The following PTPRN2 variants were observed in gnomAD, a reference collection of about 807,000 sequenced individuals.
PTPRN2 encodes receptor-type tyrosine-protein phosphatase N2.
PTPRN2 carries 74 observed loss-of-function variants against 118.8 expected under a neutral mutation model. The observed-to-expected ratio is 0.62, with a 90% CI of 0.52 to 0.76. PTPRN2 has a LOEUF of 0.76. Among genes scored for constraint, PTPRN2 ranks in the 30% least tolerant of loss-of-function variants. The probability of loss-of-function intolerance (pLI) is 0.00; values close to 1 mark genes in which losing one functional copy is unlikely to be tolerated. For synonymous variants in PTPRN2, 641 were observed against 608.0 expected (o/e 1.05, Z -0.80); for missense variants, 1,481 against 1,394.4 (o/e 1.06, Z -0.99).
chr7:158,415,987 C>T (rs1216045188), intron 2 of PTPRN2, among the ~76,000 whole-genome samples: 3 of 152,212 alleles, frequency 2.0e-5, no homozygotes, highest in African/African-American at 7.2e-5. Context: ...TGGCAGCCAC[C>T]ACAGTCCTGT....
chr7:157,680,368 A>T (rs1471043146), intron 13 of PTPRN2, among the ~76,000 whole-genome samples: 1 of 123,068 alleles, frequency 8.1e-6, no homozygotes, highest in Non-Finnish European at 2.0e-5. Context: ...TATGTTTGCA[A>T]TATTTTAAAA....
In PTPRN2 at chr7:158,403,024, C is replaced by T. The variant is rs140178814; in HGVS notation, c.164-86092G>A. Among the ~76,000 whole-genome samples, 1,364 of 152,322 alleles carry T rather than the reference C, an allele frequency of 9.0e-3. 7 individuals carry two copies. Among genetic ancestry groups the T allele is most frequent in the Non-Finnish European group, 0.013 (882 of 68,030 alleles). On this transcript the variant is annotated intron_variant, in intron 2 of 22. Coordinates refer to ENST00000389418, the MANE Select transcript of PTPRN2 (RefSeq NM_002847.5). ...CATCCCTTACAACCAAACACAGCTC[C>T]GTTTGCCTCCCACGGCTTCTTCATA...
intron 13 of PTPRN2, among the ~76,000 whole-genome samples, chr7:157,673,912 C>G (rs549954537): frequency 1.3e-5 from 2 of 152,164 alleles, no homozygotes; most frequent in Non-Finnish European, 2.9e-5. Flanking sequence ...CAGACTGGGC[C>G]GACTCTGATG....
chr7:158,527,527 T>G (rs1824879264), intron 1 of PTPRN2, among the ~76,000 whole-genome samples: 1 of 152,078 alleles, frequency 6.6e-6, no homozygotes, highest in Admixed American at 6.5e-5. Context: ...TTCCTCCTTC[T>G]GAGAATACCG....
At chr7:158,417,473 A>C (rs1215977353) in intron 2 of PTPRN2, among the ~76,000 whole-genome samples, 13 of 144,884 alleles carry the variant, frequency 9.0e-5, no homozygotes, top group Non-Finnish European at 1.6e-4. Flanking sequence ...GTCATGGTGT[A>C]CTACATCGAG....
chr7:157,901,766 C>T (rs150370912), intron 11 of PTPRN2, among the ~76,000 whole-genome samples: 4,815 of 26,328 alleles, frequency 0.18, 239 homozygotes, highest in East Asian at 0.27. Context: ...TTTCCTGGGT[C>T]CTGAGGCGGG....
chr7:158,337,768 A>G (rs1400902896), intron 2 of PTPRN2, among the ~76,000 whole-genome samples: 2 of 106,578 alleles, frequency 1.9e-5, no homozygotes, highest in African/African-American at 3.8e-5. Flanking sequence ...TGACACCTGC[A>G]AACGTCACTC....
At chr7:158,122,661 C>T (rs1357077150) in intron 9 of PTPRN2, among the ~76,000 whole-genome samples, 1 of 152,214 alleles carries the variant, frequency 6.6e-6, no homozygotes, top group Non-Finnish European at 1.5e-5. Context: ...CCCTGAGGAA[C>T]ACACTATTAT....
intron 3 of PTPRN2, among the ~76,000 whole-genome samples, chr7:158,268,625 GAAATATCCCAGCCGCACA>G (rs1798067783): frequency 1.4e-5 from 2 of 143,712 alleles, no homozygotes; most frequent in African/African-American, 2.6e-5. Flanking sequence ...GGGCGGGTGT[GAAATATCCCAGCCGCACA>G]CACACAGGGC....
At chr7:158,183,252 T>C (rs934693765) in intron 5 of PTPRN2, among the ~76,000 whole-genome samples, 1 of 152,234 alleles carries the variant, frequency 6.6e-6, no homozygotes, top group Admixed American at 6.5e-5. Flanking sequence ...ACCAATCTGT[T>C]ATCTTTTAAA....
rs919672416 is a variant in PTPRN2, at chr7:157,590,742, T to C, written c.2496+4496A>G. Among the ~76,000 whole-genome samples, 3 of 152,060 alleles carry C rather than the reference T, an allele frequency of 2.0e-5. No individual in the cohort carries two copies. The highest frequency in any genetic ancestry group is 7.2e-5 in the African/African-American group (3 of 41,412). Reference sequence around the variant, plus strand: ...GATGCCCCATGCTCACCGAGGGGACTTCCCCTGAACCCGTCTTCCAGGCTC... The same window carrying C: ...GATGCCCCATGCTCACCGAGGGGACCTCCCCTGAACCCGTCTTCCAGGCTC... On this transcript the variant is annotated intron_variant, in intron 17 of 22. Coordinates refer to ENST00000389418, the MANE Select transcript of PTPRN2 (RefSeq NM_002847.5). The surrounding 1 kb of genome is among the most constrained non-coding windows in gnomAD (Gnocchi z 4.0).
At chr7:157,650,084 C>T (rs1010208246) in intron 14 of PTPRN2, among the ~76,000 whole-genome samples, 13 of 152,302 alleles carry the variant, frequency 8.5e-5, no homozygotes, top group Admixed American at 3.9e-4. Flanking sequence ...TGGGAAGTCT[C>T]GGGGTCTCCA....
intron 2 of PTPRN2, among the ~76,000 whole-genome samples, chr7:158,489,152 G>A (rs919771420): frequency 6.6e-5 from 10 of 152,214 alleles, no homozygotes; most frequent in Non-Finnish European, 1.3e-4. Context: ...TGGCTTAAAG[G>A]ACGAAAAACC....
chr7:158,190,084 T>G (rs1825643118), intron 5 of PTPRN2, among the ~76,000 whole-genome samples: 1 of 152,232 alleles, frequency 6.6e-6, no homozygotes, highest in Admixed American at 6.5e-5. Context: ...CTATTTCATT[T>G]TTTAAAGATT....
At chr7:158,214,065 C>T (rs1384167785) in intron 3 of PTPRN2, among the ~76,000 whole-genome samples, 1 of 151,944 alleles carries the variant, frequency 6.6e-6, no homozygotes, top group Non-Finnish European at 1.5e-5. Context: ...TCCCGGAAGT[C>T]AGAAGAAACT....
intron 2 of PTPRN2, among the ~76,000 whole-genome samples, chr7:158,366,243 C>T (rs1390372238): frequency 1.4e-5 from 2 of 146,522 alleles, no homozygotes; most frequent in Non-Finnish European, 3.0e-5. Flanking sequence ...GCCCAATGCA[C>T]GCGTGCACAT....
At chr7:158,313,648 T>C (rs1366909456) in intron 3 of PTPRN2, among the ~76,000 whole-genome samples, 1 of 152,224 alleles carries the variant, frequency 6.6e-6, no homozygotes, top group African/African-American at 2.4e-5. Context: ...GGACTCCGTC[T>C]CCATAAAGAT....
chr7:157,643,565 G>A (rs1185543684), intron 14 of PTPRN2, among the ~76,000 whole-genome samples: 4 of 152,194 alleles, frequency 2.6e-5, no homozygotes, highest in Admixed American at 6.5e-5. Context: ...GCTGCAGGAC[G>A]GGCACACCCA....
intron 2 of PTPRN2, among the ~76,000 whole-genome samples, chr7:158,439,288 G>T (rs1427229507): frequency 6.6e-6 from 1 of 152,104 alleles, no homozygotes; most frequent in Admixed American, 6.5e-5. Context: ...ACCACCTCAG[G>T]CACAAGTCTC....
Sources: allele counts gnomAD v4.1 joint callset (sites outside exome capture counted in the v4.1 genomes callset), GRCh38; gene constraint gnomAD v4.1.1; non-coding constraint Gnocchi (gnomAD v3.1); transcripts MANE v1.5; gene names NCBI Gene and HGNC (gene_info 2026-07-23, HGNC 2026-07-21).